Variants in TCF7L2 observed in about 807,000 individuals in gnomAD.
TCF7L2 encodes transcription factor 7-like 2.
In TCF7L2, 23 loss-of-function variants were observed where a neutral mutation model predicts 77.9. That is an observed-to-expected ratio of 0.30 (90% CI 0.21 to 0.42). The LOEUF (loss-of-function observed/expected upper bound fraction) is 0.42, where lower values mean the gene tolerates loss of function less well. Among genes scored for constraint, TCF7L2 ranks in the 10% least tolerant of loss-of-function variants. The pLI, the probability that TCF7L2 is intolerant of heterozygous loss-of-function variation, is 1.00. For missense variants in TCF7L2, 654 were observed against 793.1 expected, an observed-to-expected ratio of 0.82 and a Z score of 2.11; for synonymous variants, 413 against 340.2, an observed-to-expected ratio of 1.21 and a Z score of -2.36.
intron 4 of TCF7L2, among the ~76,000 whole-genome samples, chr10:112,979,244 C>G (rs976065421): frequency 6.6e-6 from 1 of 152,100 alleles, no homozygotes; most frequent in Non-Finnish European, 1.5e-5. Flanking sequence ...ACTCTTGCCT[C>G]AGTACCCATA....
intron 4 of TCF7L2, among the ~76,000 whole-genome samples, chr10:112,987,129 T>C (rs2041694545): frequency 6.6e-6 from 1 of 152,204 alleles, no homozygotes; most frequent in Non-Finnish European, 1.5e-5. Context: ...GAGCATCTTC[T>C]GGTAGCTAAG....
intron 5 of TCF7L2, among the ~76,000 whole-genome samples, chr10:113,062,780 C>G (rs1268877046): frequency 6.6e-6 from 1 of 152,060 alleles, no homozygotes; most frequent in African/African-American, 2.4e-5. Context: ...TATTACAGTC[C>G]CCCTGGGGTC....
chr10:112,961,227 C>A (rs565096441), intron 3 of TCF7L2, among the ~76,000 whole-genome samples: 6 of 136,774 alleles, frequency 4.4e-5, no homozygotes, highest in African/African-American at 1.7e-4. Context: ...GTTGGTCAGG[C>A]TGGTCTCGAA....
intron 4 of TCF7L2, among the ~76,000 whole-genome samples, chr10:113,026,861 GAGGGA>G (rs2049270141): frequency 6.6e-6 from 1 of 152,216 alleles, no homozygotes; most frequent in Non-Finnish European, 1.5e-5. Flanking sequence ...ACCTTTTGGG[GAGGGA>G]ATACCCAAAC....
Position 113,019,063 on chromosome 10 carries a change from C to T in TCF7L2, c.451-20962C>T, listed in dbSNP as rs140239959. On this transcript the variant is annotated intron_variant, in intron 4 of 13. Transcript: ENST00000627217. ...ACCCAGTGTAAGAAATTGCACCTGT[C>T]CTGGCAGATAGAGAAGGTGGAAGCA... is the stretch of plus-strand genomic sequence containing the variant. Among the ~76,000 whole-genome samples the T allele has an allele frequency of 2.4e-3, 368 of 152,266 alleles. 1 individual carries two copies. The highest frequency in any genetic ancestry group is 8.7e-3 in the African/African-American group (361 of 41,546).
At chr10:112,980,255 G>A (rs2040230041) in intron 4 of TCF7L2, among the ~76,000 whole-genome samples, 1 of 152,198 alleles carries the variant, frequency 6.6e-6, no homozygotes, top group Admixed American at 6.5e-5. Context: ...TGTATGTTGG[G>A]GGCAAGTCTT....
In TCF7L2 at chr10:113,128,438, C is replaced by T. The variant is rs542399575; in HGVS notation, c.553-12746C>T. 8.9e-4 allele frequency among the ~76,000 whole-genome samples: 136 copies of T among 152,120 alleles called. 3 individuals are homozygous for T. In the South Asian group the frequency reaches 0.028, roughly 31 times the overall value. On this transcript the variant is annotated intron_variant, in intron 5 of 13. Coordinates refer to ENST00000627217, the MANE Select transcript of TCF7L2 (RefSeq NM_001146274.2). ...TGTTTAAAGACCTACATCGTGAAAA[C>T]AGTCTTGTGGGCTTGGAGATAAACA...
chr10:112,964,916 G>C (rs947251953), intron 4 of TCF7L2, among the ~76,000 whole-genome samples: 2 of 152,022 alleles, frequency 1.3e-5, no homozygotes, highest in Non-Finnish European at 2.9e-5. Context: ...AGAAGGCTGT[G>C]CTTATTGTTA....
At chr10:113,069,141 G>A (rs1471936863) in intron 5 of TCF7L2, among the ~76,000 whole-genome samples, 1 of 151,978 alleles carries the variant, frequency 6.6e-6, no homozygotes, top group Non-Finnish European at 1.5e-5. Flanking sequence ...CCGGGATGGG[G>A]TACGCCCCCT....
At chr10:113,025,248 G>C (rs1201479249) in intron 4 of TCF7L2, among the ~76,000 whole-genome samples, 1 of 144,700 alleles carries the variant, frequency 6.9e-6, no homozygotes. Flanking sequence ...TTTTGAGACG[G>C]AGTCTGGAAT....
intron 3 of TCF7L2, among the ~76,000 whole-genome samples, chr10:112,959,321 A>G (rs931610666): frequency 6.6e-6 from 1 of 152,226 alleles, no homozygotes; most frequent in African/African-American, 2.4e-5. Flanking sequence ...TTGCAAGTCA[A>G]TACTTCTTTC....
In TCF7L2 at chr10:113,167,282, C is replaced by G. The variant is rs2074079951; in HGVS notation, c.*1310C>G. 8.8e-6 allele frequency: 2 copies of G among 228,036 alleles called. No individual in the cohort carries two copies. The highest frequency in any genetic ancestry group is 2.2e-5 in the African/African-American group (1 of 45,094). The allele number at this position is 228,036 out of a possible 1,614,324, so 14.1% of individuals were successfully genotyped here. A position where few individuals can be genotyped will look rare whatever the true frequency, so the allele number is the denominator to read the frequency against. On this transcript the variant is annotated 3_prime_UTR_variant, in exon 14 of 14. Coordinates refer to ENST00000627217, the MANE Select transcript of TCF7L2 (RefSeq NM_001146274.2). ...CCAAAATTCTGTATATTAGATTACTCTTAAACGAAAAACCAGCTGCCGCTT... is the reference window on the plus strand; with the variant it reads ...CCAAAATTCTGTATATTAGATTACTGTTAAACGAAAAACCAGCTGCCGCTT...
intron 4 of TCF7L2, among the ~76,000 whole-genome samples, chr10:112,972,192 C>T (rs1014980731): frequency 2.6e-5 from 4 of 152,142 alleles, no homozygotes; most frequent in African/African-American, 9.7e-5. Context: ...TGAGGGCTGG[C>T]TAAGTACTAC....
chr10:113,066,365 CAA>C (rs34941771), intron 5 of TCF7L2, among the ~76,000 whole-genome samples: 11 of 118,196 alleles, frequency 9.3e-5, no homozygotes, highest in African/African-American at 2.7e-4. Context: ...AAGTCCGTCT[CAA>C]AAAAAAAAAA....
chr10:113,007,865 G>T (rs2045832852), intron 4 of TCF7L2, among the ~76,000 whole-genome samples: 1 of 152,124 alleles, frequency 6.6e-6, no homozygotes, highest in Non-Finnish European at 1.5e-5. Flanking sequence ...CTTGCTATCT[G>T]CCTGCCTTTT....
chr10:112,982,958 G>A (rs536455744), intron 4 of TCF7L2, among the ~76,000 whole-genome samples: 1 of 152,202 alleles, frequency 6.6e-6, no homozygotes, highest in African/African-American at 2.4e-5. Flanking sequence ...TAGGGTGAAA[G>A]AGTCCATGTT....
rs771813287 is a variant in TCF7L2, at chr10:113,165,978, G to A, written c.*6G>A. 7 of 1,502,310 alleles carry A rather than the reference G, an allele frequency of 4.7e-6. No individual in the cohort carries two copies. In the Admixed American group the frequency reaches 6.9e-5, roughly 15 times the overall value. 93.1% of individuals were successfully genotyped at this position (1,502,310 alleles called of 1,614,324 possible). A position where few individuals can be genotyped will look rare whatever the true frequency, so the allele number is the denominator to read the frequency against. On this transcript the variant is annotated 3_prime_UTR_variant, in exon 14 of 14. Transcript: ENST00000627217. ...TCACCAAGTCTTTAGAATAGCTTTA[G>A]CGTCGTGAACCCCGCTGCTTTGTTT...
intron 4 of TCF7L2, among the ~76,000 whole-genome samples, chr10:112,987,181 G>C (rs548136437): frequency 2.7e-4 from 41 of 152,294 alleles, no homozygotes; most frequent in African/African-American, 8.4e-4. Flanking sequence ...GAAACATCAA[G>C]ATAAAGGAGG....
intron 4 of TCF7L2, among the ~76,000 whole-genome samples, chr10:113,029,255 A>G (rs1241829353): frequency 1.3e-5 from 2 of 152,094 alleles, no homozygotes; most frequent in African/African-American, 4.8e-5. Context: ...ATGCCTTGAA[A>G]CAGTCCTCTT....
Sources: allele counts gnomAD v4.1 joint callset (sites outside exome capture counted in the v4.1 genomes callset), GRCh38; gene constraint gnomAD v4.1.1; transcripts MANE v1.5; gene names NCBI Gene and HGNC (gene_info 2026-07-23, HGNC 2026-07-21).